The following BANP variants were observed in gnomAD, a reference collection of about 807,000 sequenced individuals.
BANP encodes protein BANP.
Under a neutral mutation model 68.1 loss-of-function variants are expected in BANP, and 11 were observed. The observed-to-expected ratio is 0.16, with a 90% CI of 0.10 to 0.27. The LOEUF (loss-of-function observed/expected upper bound fraction) is 0.27, where lower values mean the gene tolerates loss of function less well. Among genes scored for constraint, BANP ranks in the 10% least tolerant of loss-of-function variants. The pLI, the probability that BANP is intolerant of heterozygous loss-of-function variation, is 1.00. For synonymous variants in BANP, 329 were observed against 303.2 expected (o/e 1.09, Z -0.88); for missense variants, 504 against 722.7 (o/e 0.70, Z 3.47).
chr16:88,072,372 C>T (rs2090570472), intron 13 of BANP, among the ~76,000 whole-genome samples, 160 bp downstream of exon 13: 1 of 152,282 alleles, frequency 6.6e-6, no homozygotes, highest in Admixed American at 6.5e-5. Flanking sequence ...GTCTCACACT[C>T]ACCGTGAACG....
intron 11 of BANP, among the ~76,000 whole-genome samples, chr16:88,047,744 G>C (rs2082340799): frequency 6.6e-6 from 1 of 152,170 alleles, no homozygotes; most frequent in Non-Finnish European, 1.5e-5. Flanking sequence ...ACCACGTTCA[G>C]GTCCTCAGAG....
chr16:87,972,926 T>C (rs1418643473), intron 1 of BANP, among the ~76,000 whole-genome samples: 1 of 151,968 alleles, frequency 6.6e-6, no homozygotes, highest in African/African-American at 2.4e-5. Flanking sequence ...GTGGTTCTCC[T>C]GGTGGATCCT....
intron 11 of BANP, among the ~76,000 whole-genome samples, chr16:88,038,815 G>C (rs542357220): frequency 6.6e-6 from 1 of 152,146 alleles, no homozygotes; most frequent in Non-Finnish European, 1.5e-5. Flanking sequence ...TGTCACCTCT[G>C]GATCACTGAA....
rs911491496 is a variant in BANP at position 88,064,371 on chromosome 16, T to A, written c.1312-896T>A. 1.3e-5 allele frequency among the ~76,000 whole-genome samples: 2 copies of A among 152,180 alleles called. No homozygotes were observed. Among genetic ancestry groups the A allele is most frequent in the Non-Finnish European group, 2.9e-5 (2 of 68,020 alleles). On this transcript the variant is annotated intron_variant, in intron 11 of 13. Transcript: ENST00000682872. This position sits in a 1 kb window ranked among gnomAD's most constrained non-coding sequence, Gnocchi z 4.5. ...GTGGGTTCCTCTCCCTTAGCATGCT[T>A]GGAAGCAGTGGTGGCATCATGGAGC... is the stretch of plus-strand genomic sequence containing the variant.
intron 4 of BANP, among the ~76,000 whole-genome samples, chr16:88,001,003 A>T (rs377338385): frequency 1.1e-3 from 10 of 9,088 alleles, no homozygotes; most frequent in African/African-American, 2.0e-3. Context: ...TGTACTTACC[A>T]GGCCTTCCAG....
chr16:88,058,447 G>A (rs1353137039), intron 11 of BANP, among the ~76,000 whole-genome samples: 4 of 152,166 alleles, frequency 2.6e-5, no homozygotes, highest in African/African-American at 4.8e-5. Context: ...CCAGTTCCAC[G>A]GCAGTGCTGT....
At position 87,957,092 on chromosome 16, in the gene BANP, C is replaced by G. The variant is rs752524723; in HGVS notation, c.-69+5577C>G. 1 of 152,256 alleles carries G rather than the reference C, an allele frequency of 6.6e-6. No homozygotes were observed. The highest frequency in any genetic ancestry group is 1.5e-5 in the Non-Finnish European group (1 of 68,056). The allele number at this position is 152,256 out of a possible 1,614,324, so 9.4% of individuals were successfully genotyped here. ...AGAACCACTCTGCAATCCTTCGCGT[C>G]TACACTTCGTCAAGAACCGTCCAAT... is the stretch of plus-strand genomic sequence containing the variant. On this transcript the variant is annotated intron_variant, in intron 1 of 13. Transcript: ENST00000682872. This position sits in a 1 kb window ranked among gnomAD's most constrained non-coding sequence, Gnocchi z 4.3.
intron 11 of BANP, among the ~76,000 whole-genome samples, chr16:88,042,228 A>G (rs1052738502): frequency 6.6e-6 from 1 of 152,176 alleles, no homozygotes; most frequent in Non-Finnish European, 1.5e-5. Context: ...TGCGGGCAAG[A>G]AGTTTGGAAA....
At chr16:88,045,366 C>T (rs548996817) in intron 11 of BANP, among the ~76,000 whole-genome samples, 2 of 152,340 alleles carry the variant, frequency 1.3e-5, no homozygotes, top group South Asian at 2.1e-4. Flanking sequence ...CCGAGTTGTC[C>T]GTGCGTGCAC....
intron 3 of BANP, among the ~76,000 whole-genome samples, chr16:87,981,503 T>C (rs1242541756): frequency 1.3e-5 from 2 of 152,264 alleles, no homozygotes; most frequent in African/African-American, 4.8e-5. Context: ...AAATTACATC[T>C]ACACAGACCC....
intron 10 of BANP, among the ~76,000 whole-genome samples, chr16:88,037,106 T>G (rs2079557632): frequency 6.6e-6 from 1 of 152,212 alleles, no homozygotes; most frequent in Non-Finnish European, 1.5e-5. Flanking sequence ...GTCAGAATGC[T>G]TAATTTCCTT....
intron 1 of BANP, among the ~76,000 whole-genome samples, chr16:87,971,045 C>T (rs1182289212): frequency 1.3e-5 from 2 of 151,298 alleles, no homozygotes; most frequent in Non-Finnish European, 2.9e-5. Flanking sequence ...TCTACCACTT[C>T]TTACCGCCAC....
Position 88,071,425 on chromosome 16 carries a change from C to T in BANP, c.1378-644C>T, listed in dbSNP as rs1169859448. ...CACCAGAGCCCACCCAGGGGCCTCGCCTGTCCCCCATTCTCATTCCATACT... is the reference window on the plus strand; with the variant it reads ...CACCAGAGCCCACCCAGGGGCCTCGTCTGTCCCCCATTCTCATTCCATACT... On this transcript the variant is annotated intron_variant, in intron 12 of 13. Coordinates refer to ENST00000682872, the MANE Select transcript of BANP (RefSeq NM_001386991.1). The surrounding 1 kb of genome is among the most constrained non-coding windows in gnomAD (Gnocchi z 6.5). The T allele has an allele frequency of 2.2e-6, 1 of 455,368 alleles. No homozygotes were observed. Among genetic ancestry groups the T allele is most frequent in the South Asian group, 1.6e-5 (1 of 64,396 alleles). The allele number at this position is 455,368 out of a possible 1,614,324, so 28.2% of individuals were successfully genotyped here.
At chr16:88,048,691 A>G (rs1248084767) in intron 11 of BANP, among the ~76,000 whole-genome samples, 4 of 152,058 alleles carry the variant, frequency 2.6e-5, no homozygotes, top group Admixed American at 1.3e-4. Flanking sequence ...CTCACAACAG[A>G]TTAAAGAAAG....
At chr16:88,047,488 G>A (rs944464981) in intron 11 of BANP, among the ~76,000 whole-genome samples, 1 of 152,204 alleles carries the variant, frequency 6.6e-6, no homozygotes, top group Admixed American at 6.5e-5. Context: ...ATGGAACAGG[G>A]TGCATGTTTG....
chr16:88,053,961 A>G (rs541220971), intron 11 of BANP, among the ~76,000 whole-genome samples: 3 of 75,398 alleles, frequency 4.0e-5, no homozygotes, highest in Admixed American at 1.3e-4. Flanking sequence ...CCACCCTAAC[A>G]GCCACTCCCA....
intron 4 of BANP, among the ~76,000 whole-genome samples, chr16:88,001,441 C>G (rs1361698192): frequency 6.6e-6 from 1 of 152,240 alleles, no homozygotes; most frequent in African/African-American, 2.4e-5. Flanking sequence ...TTTTTTGTCA[C>G]TTAGTATTGT....
Position 88,072,231 on chromosome 16 carries a change from G to A in BANP, c.1521+19G>A, listed in dbSNP as rs766230465. The stretch of plus-strand genomic sequence containing the variant: ...GGCACAGGTGAGTCTGGGGCCCCGC[G>A]CCGGGACACTGAAGTGATGGCATGG... On this transcript the variant is annotated intron_variant, in intron 13 of 13. Transcript: ENST00000682872. 8 of 1,598,602 alleles carry A rather than the reference G, an allele frequency of 5.0e-6. No homozygotes were observed. Among genetic ancestry groups the A allele is most frequent in the East Asian group, 4.5e-5 (2 of 44,656 alleles).
intron 3 of BANP, among the ~76,000 whole-genome samples, chr16:87,983,729 C>T (rs1186081331): frequency 6.6e-6 from 1 of 152,186 alleles, no homozygotes; most frequent in Admixed American, 6.5e-5. Context: ...GAAGATTTGA[C>T]TAGTTTTATG....
Sources: gnomAD v4.1 joint callset for allele counts (sites outside exome capture counted in the v4.1 genomes callset) on GRCh38, gnomAD v4.1.1 for gene constraint, Gnocchi (gnomAD v3.1) non-coding constraint, MANE v1.5 for transcripts, NCBI Gene and HGNC (gene_info 2026-07-23, HGNC 2026-07-21) for gene names.